The following MGAT4C variants were observed in gnomAD, a reference collection of about 807,000 sequenced individuals.
MGAT4C encodes the protein MGAT4 family member C.
Under a neutral mutation model 40.1 loss-of-function variants are expected in MGAT4C, and 19 were observed. The ratio of observed to expected loss-of-function variants is 0.47; its 90% CI spans 0.33 to 0.70. The LOEUF (loss-of-function observed/expected upper bound fraction) is 0.70, where lower values mean the gene tolerates loss of function less well. Ranked by LOEUF, MGAT4C falls within the 30% of genes least tolerant of loss-of-function variation. The probability of loss-of-function intolerance (pLI) is 0.02; values close to 1 mark genes in which losing one functional copy is unlikely to be tolerated. For missense variants in MGAT4C, 491 were observed against 563.2 expected (o/e 0.87, Z 1.30); for synonymous variants, 181 against 187.1 (o/e 0.97, Z 0.27).
chr12:86,718,480 C>G (rs1950685463), intron 2 of MGAT4C, among the ~76,000 whole-genome samples: 1 of 152,116 alleles, frequency 6.6e-6, no homozygotes, highest in African/African-American at 2.4e-5. Flanking sequence ...ATAGCCAGGG[C>G]CTGGGCTAGA....
chr12:86,572,072 T>C (rs965860930), intron 2 of MGAT4C, among the ~76,000 whole-genome samples: 10 of 152,156 alleles, frequency 6.6e-5, no homozygotes, highest in African/African-American at 2.4e-4. Flanking sequence ...TGAACTTAGA[T>C]ATGCATTGGA....
intron 3 of MGAT4C, among the ~76,000 whole-genome samples, chr12:86,394,911 C>T (rs770823200): frequency 1.3e-5 from 2 of 151,748 alleles, no homozygotes; most frequent in African/African-American, 2.4e-5. Flanking sequence ...ACACCACACC[C>T]GGCTTAATTA....
rs111768731 is a variant in MGAT4C, at chr12:86,694,117, A to G, written c.-229+33092T>C. ...TGAATTATGATAAATTTCCAAATAC[A>G]TTATCATGACCAAAACTCTAACTGA... On this transcript the variant is annotated intron_variant, in intron 2 of 7. Transcript: ENST00000548651. 3.4e-3 allele frequency among the ~76,000 whole-genome samples: 524 copies of G among 152,286 alleles called. 1 individual carries two copies. Among genetic ancestry groups the G allele is most frequent in the African/African-American group, 0.012 (501 of 41,572 alleles).
intron 2 of MGAT4C, among the ~76,000 whole-genome samples, chr12:86,705,451 C>A (rs534213801): frequency 6.6e-6 from 1 of 151,858 alleles, no homozygotes; most frequent in South Asian, 2.1e-4. Context: ...GGTTTCACAA[C>A]AGAATTGAAA....
intron 2 of MGAT4C, among the ~76,000 whole-genome samples, chr12:86,470,960 T>C (rs1225219884): frequency 3.3e-5 from 5 of 152,038 alleles, no homozygotes; most frequent in African/African-American, 4.8e-5. Flanking sequence ...CAGAAGACCA[T>C]GGAACAGCAT....
intron 2 of MGAT4C, among the ~76,000 whole-genome samples, chr12:86,704,794 G>A (rs1950426355): frequency 6.6e-6 from 1 of 152,234 alleles, no homozygotes; most frequent in Non-Finnish European, 1.5e-5. Context: ...TGTAACACAT[G>A]ATATATTACT....
chr12:86,337,698 C>A (rs906127578), intron 3 of MGAT4C, among the ~76,000 whole-genome samples: 1 of 151,600 alleles, frequency 6.6e-6, no homozygotes, highest in African/African-American at 2.4e-5. Context: ...TAAATATTTG[C>A]AGATACATTA....
At chr12:86,148,777 A>C (rs1164121327) in intron 1 of MGAT4C, among the ~76,000 whole-genome samples, 8 of 152,242 alleles carry the variant, frequency 5.3e-5, no homozygotes, top group Admixed American at 5.2e-4. Context: ...CAATACAGGC[A>C]GTCATATTAT....
intron 1 of MGAT4C, among the ~76,000 whole-genome samples, chr12:86,734,489 A>G (rs1291911404): frequency 6.6e-6 from 1 of 152,022 alleles, no homozygotes; most frequent in Non-Finnish European, 1.5e-5. Context: ...ATTCATATAT[A>G]CAAATCCTCA....
intron 1 of MGAT4C, among the ~76,000 whole-genome samples, chr12:86,158,799 A>G (rs542227871): frequency 1.3e-5 from 2 of 152,210 alleles, no homozygotes; most frequent in Admixed American, 1.3e-4. Context: ...CTTTGTGGCT[A>G]TTGTAAGTGG....
At chr12:86,748,169 A>G (rs1951181666) in intron 1 of MGAT4C, among the ~76,000 whole-genome samples, 1 of 151,570 alleles carries the variant, frequency 6.6e-6, no homozygotes, top group South Asian at 2.1e-4. Context: ...TGACCTATTA[A>G]TAGGCTAAAG....
At chr12:86,405,657 A>T (rs1390763769) in intron 3 of MGAT4C, among the ~76,000 whole-genome samples, 2 of 151,788 alleles carry the variant, frequency 1.3e-5, no homozygotes, top group Non-Finnish European at 2.9e-5. Context: ...AGCTAAAACA[A>T]TCTTGAAAAA....
intron 2 of MGAT4C, among the ~76,000 whole-genome samples, chr12:86,508,877 A>G (rs1278258945): frequency 6.7e-6 from 1 of 149,550 alleles, no homozygotes; most frequent in Non-Finnish European, 1.5e-5. Flanking sequence ...GTGTCTGTTC[A>G]TGTCCTTCGC....
chr12:86,231,381 G>T (rs989295048), intron 1 of MGAT4C, among the ~76,000 whole-genome samples: 2 of 152,058 alleles, frequency 1.3e-5, no homozygotes, highest in African/African-American at 4.8e-5. Context: ...TTATATTTGT[G>T]TACCTAACCA....
chr12:86,122,753 A>C (rs767844887), intron 1 of MGAT4C, among the ~76,000 whole-genome samples: 8 of 151,498 alleles, frequency 5.3e-5, no homozygotes, highest in Non-Finnish European at 1.0e-4. Flanking sequence ...AAATACTTGA[A>C]AGTTCTTTTA....
At chr12:86,049,358 C>T (rs962952000) in intron 2 of MGAT4C, among the ~76,000 whole-genome samples, 3 of 151,690 alleles carry the variant, frequency 2.0e-5, no homozygotes, top group Admixed American at 6.6e-5. Flanking sequence ...TGAGAGATGC[C>T]TTAATTGTAT....
chr12:86,432,021 T>G (rs1383599968), intron 3 of MGAT4C, among the ~76,000 whole-genome samples: 1 of 151,900 alleles, frequency 6.6e-6, no homozygotes, highest in African/African-American at 2.4e-5. Flanking sequence ...AAAAGTGTAC[T>G]CCACTAGAAG....
intron 3 of MGAT4C, among the ~76,000 whole-genome samples, chr12:85,987,340 T>G (rs906040810): frequency 2.6e-5 from 4 of 151,518 alleles, no homozygotes; most frequent in African/African-American, 7.3e-5. Context: ...GGTTTCACCG[T>G]TTTAGCCGGG....
In MGAT4C at chr12:85,976,852, G is replaced by T. The variant is rs560415479; in HGVS notation, c.*2437C>A. 6.6e-6 allele frequency: 1 copy of T among 150,514 alleles called. No individual in the cohort carries two copies. The highest frequency in any genetic ancestry group is 2.1e-4 in the South Asian group (1 of 4,796). 9.3% of individuals were successfully genotyped at this position (150,514 alleles called of 1,614,324 possible). A position where few individuals can be genotyped will look rare whatever the true frequency, so the allele number is the denominator to read the frequency against. ...TCTAAATATAGGAAATAGAACATTG[G>T]GCCATGCTAAAAAAATTGTTCAGAT... On this transcript the variant is annotated 3_prime_UTR_variant, in exon 5 of 5. Coordinates refer to ENST00000611864, the MANE Select transcript of MGAT4C (RefSeq NM_001351288.2).
Sources: allele counts gnomAD v4.1 joint callset (sites outside exome capture counted in the v4.1 genomes callset), GRCh38; gene constraint gnomAD v4.1.1; transcripts MANE v1.5; gene names NCBI Gene and HGNC (gene_info 2026-07-23, HGNC 2026-07-21).